The following CCR3 variants were observed in gnomAD, a reference collection of about 807,000 sequenced individuals.
CCR3 encodes the protein C-C motif chemokine receptor 3.
For missense variants in CCR3, 419 were observed against 437.5 expected, an observed-to-expected ratio of 0.96 and a Z score of 0.38; for synonymous variants, 203 against 179.2, an observed-to-expected ratio of 1.13 and a Z score of -1.06.
At chr3:46,249,147 T>C (rs1354381376) in intron 1 of CCR3, among the ~76,000 whole-genome samples, 1 of 151,898 alleles carries the variant, frequency 6.6e-6, no homozygotes, top group Non-Finnish European at 1.5e-5. Context: ...ATCTTATACT[T>C]GTGGGTTAAG....
chr3:46,265,886 T>C lies in CCR3; in HGVS notation c.728T>C (p.Val243Ala), dbSNP rs142318962. The stretch of plus-strand genomic sequence containing the variant: ...TACAAGGCCATCCGGCTCATTTTTG[T>C]CATCATGGCGGTGTTTTTCATTTTC... ...KKYKAIRLIF[V>A]IMAVFFIFWT... is the part of the protein sequence containing the mutation. The change falls in exon 2 of 2, where the codon GTC becomes GCC. Residue 243 changes from valine to alanine, a missense_variant. Val to Ala is a moderately conservative substitution (Grantham distance 64). Coordinates refer to ENST00000395940, the MANE Select transcript of CCR3 (RefSeq NM_178329.3). 3 of 1,614,172 alleles carry C rather than the reference T, an allele frequency of 1.9e-6. No individual in the cohort carries two copies. The Admixed American group carries it at 5.0e-5, about 27-fold the overall frequency.
intron 2 of CCR3, among the ~76,000 whole-genome samples, chr3:46,216,404 T>A (rs371432423): frequency 4.6e-5 from 7 of 152,186 alleles, no homozygotes; most frequent in African/African-American, 1.7e-4. Context: ...ATCTAAAACT[T>A]ATCTGAAAAC....
intron 2 of CCR3, among the ~76,000 whole-genome samples, chr3:46,234,449 G>A (rs946826229): frequency 6.6e-6 from 1 of 152,114 alleles, no homozygotes; most frequent in African/African-American, 2.4e-5. Context: ...CTCCCAGAGT[G>A]ACCACATACC....
intron 2 of CCR3, among the ~76,000 whole-genome samples, chr3:46,228,932 T>C (rs1388198184): frequency 1.3e-5 from 2 of 152,264 alleles, no homozygotes; most frequent in African/African-American, 4.8e-5. Context: ...TTGGTTGTTG[T>C]GCTTGCTATT....
At chr3:46,249,521 G>A (rs917861207) in intron 1 of CCR3, among the ~76,000 whole-genome samples, 10 of 152,092 alleles carry the variant, frequency 6.6e-5, no homozygotes, top group African/African-American at 1.7e-4. Flanking sequence ...CCTAAAGCTC[G>A]GCATCTGTGA....
intron 1 of CCR3, chr3:46,263,523 G>A (rs1700564469): frequency 1.3e-5 from 2 of 153,546 alleles, no homozygotes; most frequent in Non-Finnish European, 2.9e-5. Flanking sequence ...GATGTACCTG[G>A]ACAGACCCAT....
chr3:46,223,020 A>G (rs1171873756), intron 2 of CCR3, among the ~76,000 whole-genome samples: 1 of 152,232 alleles, frequency 6.6e-6, no homozygotes, highest in Non-Finnish European at 1.5e-5. Flanking sequence ...GTCCAGGTCC[A>G]GCCCAAGTTA....
chr3:46,232,611 G>A (rs1173676939), intron 2 of CCR3, among the ~76,000 whole-genome samples: 1 of 152,166 alleles, frequency 6.6e-6, no homozygotes, highest in Non-Finnish European at 1.5e-5. Flanking sequence ...TCTGGAGTGG[G>A]AGGGGCATGT....
chr3:46,234,563 A>G lies in CCR3; in HGVS notation c.-67-7839A>G, dbSNP rs553904538. The stretch of plus-strand genomic sequence containing the variant: ...CACATAAATTAAGCCTCGTTTTAAC[A>G]TTCTATAAAGCTTAGTCTTGCAATT... On this transcript the variant is annotated intron_variant, in intron 2 of 3. Coordinates refer to the CCR3 transcript ENST00000357422. 2.0e-5 allele frequency among the ~76,000 whole-genome samples: 3 copies of G among 152,292 alleles called. No homozygotes were observed. The East Asian group carries it at 5.8e-4, about 29-fold the overall frequency.
chr3:46,215,535 C>T (rs1280430171), intron 2 of CCR3, among the ~76,000 whole-genome samples: 2 of 152,224 alleles, frequency 1.3e-5, no homozygotes, highest in African/African-American at 2.4e-5. Flanking sequence ...TCTCAGGCCC[C>T]ACCACAGGTT....
At chr3:46,256,886 C>T (rs13325552) in intron 1 of CCR3, among the ~76,000 whole-genome samples, 10,378 of 152,034 alleles carry the variant, frequency 0.068, 445 homozygotes, top group South Asian at 0.19. Context: ...GAAATTGTAT[C>T]TTTCACAAAC....
chr3:46,234,681 T>G (rs537186877), intron 2 of CCR3, among the ~76,000 whole-genome samples: 88 of 152,226 alleles, frequency 5.8e-4, no homozygotes, highest in Non-Finnish European at 1.1e-3. Context: ...GTCACTCCCA[T>G]GAAGATCTGA....
chr3:46,236,658 A>C (rs1700028316), intron 2 of CCR3, among the ~76,000 whole-genome samples: 1 of 152,232 alleles, frequency 6.6e-6, no homozygotes, highest in Non-Finnish European at 1.5e-5. Context: ...GCTGGTTGTC[A>C]AGCTCCCTCA....
At chr3:46,236,286 C>T (rs549456916) in intron 2 of CCR3, among the ~76,000 whole-genome samples, 1 of 152,120 alleles carries the variant, frequency 6.6e-6, no homozygotes, top group Non-Finnish European at 1.5e-5. Context: ...GACCTTGTGC[C>T]CCTCATGATA....
chr3:46,230,577 G>T (rs573156799), intron 2 of CCR3, among the ~76,000 whole-genome samples: 3 of 152,210 alleles, frequency 2.0e-5, no homozygotes, highest in South Asian at 4.1e-4. Context: ...TCACCTCAGT[G>T]CCTCCTCTGT....
At chr3:46,260,314 C>T (rs1700499984) in intron 1 of CCR3, among the ~76,000 whole-genome samples, 2 of 152,242 alleles carry the variant, frequency 1.3e-5, no homozygotes, top group African/African-American at 4.8e-5. Context: ...ACCTTCCCAA[C>T]AGTCACCCAA....
intron 1 of CCR3, among the ~76,000 whole-genome samples, chr3:46,259,151 T>A (rs1187110943): frequency 6.6e-6 from 1 of 152,202 alleles, no homozygotes; most frequent in Non-Finnish European, 1.5e-5. Flanking sequence ...TGAAGTTTAT[T>A]TTAGGTAATT....
intron 2 of CCR3, among the ~76,000 whole-genome samples, chr3:46,212,278 G>A (rs113666328): frequency 0.011 from 1,750 of 152,294 alleles, 37 homozygotes; most frequent in African/African-American, 0.039. Context: ...AGAGATGTGA[G>A]ATGTCCCTGT....
In CCR3 at chr3:46,265,726, G is replaced by C; in HGVS notation, c.568G>C (p.Asp190His). ...ETLCSALYPE[D>H]TVYSWRHFHT... ...TCTTTGCAGTGCTCTTTACCCAGAG[G>C]ATACAGTATATAGCTGGAGGCATTT... The change falls in exon 2 of 2, where the codon GAT becomes CAT. Residue 190 changes from aspartate (D) to histidine (H), a missense_variant. Coordinates refer to ENST00000395940, the MANE Select transcript of CCR3 (RefSeq NM_178329.3). The C allele has an allele frequency of 6.2e-7, 1 of 1,613,864 alleles. No homozygotes were observed. Among genetic ancestry groups the C allele is most frequent in the Non-Finnish European group, 8.5e-7 (1 of 1,179,978 alleles).
Sources: gnomAD v4.1 joint callset for allele counts (sites outside exome capture counted in the v4.1 genomes callset) on GRCh38, gnomAD v4.1.1 for gene constraint, MANE v1.5 for transcripts, NCBI Gene and HGNC (gene_info 2026-07-23, HGNC 2026-07-21) for gene names.